The following ADAMTS12 variants were observed in gnomAD, a reference collection of about 807,000 sequenced individuals.
The protein encoded by ADAMTS12 is A disintegrin and metalloproteinase with thrombospondin motifs 12.
Under a neutral mutation model 167.8 loss-of-function variants are expected in ADAMTS12, and 118 were observed. The observed-to-expected ratio is 0.70, with a 90% confidence interval of 0.61 to 0.82. The LOEUF (loss-of-function observed/expected upper bound fraction) is 0.82. Ranked by LOEUF, ADAMTS12 falls within the 40% of genes least tolerant of loss-of-function variation. The pLI is 0.00. For missense variants in ADAMTS12, 1,916 were observed against 1,998.8 expected, an observed-to-expected ratio of 0.96 and a Z score of 0.79; for synonymous variants, 704 against 716.9, an observed-to-expected ratio of 0.98 and a Z score of 0.29.
At position 33,873,353 on chromosome 5, in the gene ADAMTS12, G is replaced by A. The variant is rs114210412; in HGVS notation, c.489+7766C>T. ...CAAAAATTAAATACTTAGATACATC[G>A]AACAAAATATGTACAAGATCTATAT... On this transcript the variant is annotated intron_variant, in intron 2 of 23. Transcript: ENST00000504830. Among the ~76,000 whole-genome samples the A allele has an allele frequency of 9.0e-3, 1,372 of 151,878 alleles. 26 individuals carry two copies. The highest frequency in any genetic ancestry group is 0.031 in the African/African-American group (1,298 of 41,396).
In ADAMTS12 at chr5:33,881,166, G is replaced by A; in HGVS notation, c.442C>T (p.Gln148Ter). The change falls in exon 2 of 24, where the codon CAG (glutamine) becomes TAG (stop). Residue 148 changes from glutamine (Q) to a stop codon, truncating the protein, a stop_gained. Coordinates refer to ENST00000504830, the MANE Select transcript of ADAMTS12 (RefSeq NM_030955.4). LOFTEE classifies it high-confidence loss of function. ...LCHLSGTVLQQGTRVGTAALS... is the reference protein window; with the variant it reads ...LCHLSGTVLQ ...GCTGCCGTCCCAACTCTGGTGCCCT[G>A]CTGTAGAACCGTGCCACTGAGATGG... The A allele has an allele frequency of 6.2e-7, 1 of 1,614,134 alleles. No homozygotes were observed. Among genetic ancestry groups the A allele is most frequent in the Non-Finnish European group, 8.5e-7 (1 of 1,180,034 alleles).
intron 9 of ADAMTS12, among the ~76,000 whole-genome samples, chr5:33,647,639 G>A (rs10059808): frequency 0.51 from 77,568 of 152,068 alleles, 21,122 homozygotes; most frequent in East Asian, 0.62. Context: ...GCTGAGGTAC[G>A]AGAATTGCTT....
rs550448423 is a variant in ADAMTS12 at position 33,756,853 on chromosome 5, C to T, written c.490-5305G>A. On this transcript the variant is annotated intron_variant, in intron 2 of 23. Coordinates refer to ENST00000504830, the MANE Select transcript of ADAMTS12 (RefSeq NM_030955.4). ...CTGGTCCCTCTGCCCTAAAACAGTG[C>T]TGTCCAACAGAACTTCCTGTGGTGA... 3.3e-5 allele frequency among the ~76,000 whole-genome samples: 5 copies of T among 152,354 alleles called. No homozygotes were observed. The South Asian group carries it at 8.3e-4, about 25-fold the overall frequency.
chr5:33,725,549 G>A (rs541238050), intron 3 of ADAMTS12, among the ~76,000 whole-genome samples: 1 of 152,328 alleles, frequency 6.6e-6, no homozygotes, highest in Admixed American at 6.5e-5. Flanking sequence ...AGGAAGGGAG[G>A]AAAGAGGGGC....
chr5:33,863,896 T>C (rs1196459909), intron 2 of ADAMTS12, among the ~76,000 whole-genome samples: 1 of 152,060 alleles, frequency 6.6e-6, no homozygotes, highest in Non-Finnish European at 1.5e-5. Context: ...TCAGAAATAA[T>C]GTCACACATC....
chr5:33,577,089 G>T lies in ADAMTS12; in HGVS notation c.2937C>A (p.Cys979Ter). 4 of 1,614,138 alleles carry T rather than the reference G, an allele frequency of 2.5e-6. No individual in the cohort carries two copies. The highest frequency in any genetic ancestry group is 2.2e-5 in the East Asian group (1 of 44,878). ...GGCTGTTGGGTTTCCTTGTCACATC[G>T]CAAGGTTCATCATGGTTCTTGGCAC... Reference protein sequence around the residue: ...VTCAKNHDEPCDVTRKPNSRA... With the variant: ...VTCAKNHDEP Residue 979 changes from cysteine (C) to a stop codon, truncating the protein, a stop_gained, in exon 19 of 24, where the codon TGC becomes TGA. Transcript: ENST00000504830. LOFTEE classifies it high-confidence loss of function.
chr5:33,699,962 A>C (rs563429204), intron 3 of ADAMTS12, among the ~76,000 whole-genome samples: 1 of 152,212 alleles, frequency 6.6e-6, no homozygotes, highest in Non-Finnish European at 1.5e-5. Flanking sequence ...ATCATTAGCT[A>C]TCAGGGAAAT....
At chr5:33,626,883 G>A (rs1296130895) in intron 13 of ADAMTS12, among the ~76,000 whole-genome samples, 2 of 151,126 alleles carry the variant, frequency 1.3e-5, no homozygotes. Context: ...TGATAGCGGT[G>A]GTGATGGTGA....
At chr5:33,783,106 C>T (rs1746200252) in intron 2 of ADAMTS12, among the ~76,000 whole-genome samples, 1 of 151,880 alleles carries the variant, frequency 6.6e-6, no homozygotes. Context: ...AATTAGAAAT[C>T]ACCAACTGAA....
At chr5:33,793,856 A>G (rs896471085) in intron 2 of ADAMTS12, among the ~76,000 whole-genome samples, 1 of 152,132 alleles carries the variant, frequency 6.6e-6, no homozygotes, top group East Asian at 1.9e-4. Context: ...CAGCTGTGAG[A>G]GAAAAGGGCT....
intron 2 of ADAMTS12, among the ~76,000 whole-genome samples, chr5:33,782,510 A>G (rs1942966390): frequency 6.6e-6 from 1 of 152,094 alleles, no homozygotes; most frequent in South Asian, 2.1e-4. Context: ...TATAAAATAA[A>G]AAAGTAAGAC....
At chr5:33,844,893 C>T (rs139318738) in intron 2 of ADAMTS12, among the ~76,000 whole-genome samples, 5,058 of 152,250 alleles carry the variant, frequency 0.033, 131 homozygotes, top group Non-Finnish European at 0.052. Flanking sequence ...TTTCTCAACC[C>T]GGCCGATGCT....
chr5:33,791,578 T>G lies in ADAMTS12; in HGVS notation c.490-40030A>C, dbSNP rs144652681. Among the ~76,000 whole-genome samples the G allele has an allele frequency of 7.9e-3, 1,198 of 152,278 alleles. 17 individuals carry two copies. The highest frequency in any genetic ancestry group is 0.028 in the African/African-American group (1,147 of 41,538). On this transcript the variant is annotated intron_variant, in intron 2 of 23. Coordinates refer to ENST00000504830, the MANE Select transcript of ADAMTS12 (RefSeq NM_030955.4). ...TGGGAATTAGAAATTTGTACTTCTA[T>G]GCAGTGACCTATATAATAGGCAGCT...
intron 3 of ADAMTS12, among the ~76,000 whole-genome samples, chr5:33,725,428 TC>T (rs1485374796): frequency 3.9e-5 from 6 of 152,214 alleles, no homozygotes; most frequent in Non-Finnish European, 8.8e-5. Flanking sequence ...AAAGTGAGAT[TC>T]TGCATTACCC....
intron 2 of ADAMTS12, among the ~76,000 whole-genome samples, chr5:33,806,629 T>C (rs1201665677): frequency 6.6e-6 from 1 of 152,138 alleles, no homozygotes. Context: ...TGTCTGAGCT[T>C]CTTGATATGC....
chr5:33,766,002 T>C (rs1745516408), intron 2 of ADAMTS12, among the ~76,000 whole-genome samples: 2 of 152,308 alleles, frequency 1.3e-5, no homozygotes, highest in East Asian at 1.9e-4. Flanking sequence ...TTGTTCTGCC[T>C]ATACTTCTTA....
chr5:33,863,807 C>A (rs576442882), intron 2 of ADAMTS12, among the ~76,000 whole-genome samples: 1 of 152,292 alleles, frequency 6.6e-6, no homozygotes, highest in East Asian at 1.9e-4. Context: ...TCAAACTATA[C>A]TACAAGGCTA....
chr5:33,694,866 T>G (rs1742696715), intron 3 of ADAMTS12, among the ~76,000 whole-genome samples: 1 of 152,210 alleles, frequency 6.6e-6, no homozygotes, highest in African/African-American at 2.4e-5. Context: ...GTATTAACAT[T>G]AATTTCACCT....
rs376442901 is a variant in ADAMTS12, at chr5:33,553,474, T to C, written c.4126-4091A>G. Among the ~76,000 whole-genome samples, 22 of 152,286 alleles carry C rather than the reference T, an allele frequency of 1.4e-4. 1 individual carries two copies. In the South Asian group the frequency reaches 4.4e-3, roughly 30 times the overall value. ...GACATGGAATCAACCTAAATGCCCA[T>C]CAATGATAAATTGGATAAAGAAAAT... is the stretch of plus-strand genomic sequence containing the variant. On this transcript the variant is annotated intron_variant, in intron 20 of 23. Coordinates refer to ENST00000504830, the MANE Select transcript of ADAMTS12 (RefSeq NM_030955.4).
Sources: allele counts gnomAD v4.1 joint callset (sites outside exome capture counted in the v4.1 genomes callset), GRCh38; gene constraint gnomAD v4.1.1; transcripts MANE v1.5; gene names NCBI Gene and HGNC (gene_info 2026-07-23, HGNC 2026-07-21).